KIF13B: variants seen among roughly 807,000 people sequenced by gnomAD.
KIF13B encodes kinesin family member 13B, also known as kinesin-like protein KIF13B.
A neutral mutation model predicts 222.0 loss-of-function variants in KIF13B; 127 were observed. That is an observed-to-expected ratio of 0.57 (90% CI 0.50 to 0.66). The LOEUF (loss-of-function observed/expected upper bound fraction) is 0.66. Ranked by LOEUF, KIF13B falls within the 30% of genes least tolerant of loss-of-function variation. The pLI is 0.00. For missense variants in KIF13B, 2,173 were observed against 2,379.0 expected, an observed-to-expected ratio of 0.91 and a Z score of 1.80; for synonymous variants, 976 against 919.0, an observed-to-expected ratio of 1.06 and a Z score of -1.12.
At position 29,167,463 on chromosome 8, in the gene KIF13B, G is replaced by A. The variant is rs367928436; in HGVS notation, c.1068C>T (p.His356=). 20 of 1,613,852 alleles carry A rather than the reference G, an allele frequency of 1.2e-5. No homozygotes were observed. The African/African-American group carries it at 1.5e-4, about 12-fold the overall frequency. Residue 356 remains histidine, a synonymous_variant, in exon 11 of 40, where the codon CAC becomes CAT. Coordinates refer to ENST00000524189, the MANE Select transcript of KIF13B (RefSeq NM_015254.4). ...YADRAKHIVN[H]AVVNEDPNAR... is the part of the protein sequence containing the mutation. ...CATTAGGGTCCTCATTCACCACAGC[G>A]TGGTTTACAATGTGCTTGGCTCGAT...
chr8:29,145,919 G>T, intron 18 of KIF13B: 1 of 165,038 alleles, frequency 6.1e-6, no homozygotes, highest in Non-Finnish European at 1.3e-5. Flanking sequence ...AAAAAAGTAT[G>T]ATCCTGAATA....
chr8:29,140,294 GTATGGGAATT>G, intron 20 of KIF13B, 103 bp from the exon 21 acceptor site: 1 of 1,498,670 alleles, frequency 6.7e-7, no homozygotes. Context: ...GGTTAATGGT[GTATGGGAATT>G]TAGAGGCCTA....
intron 11 of KIF13B, among the ~76,000 whole-genome samples, chr8:29,166,984 A>C (rs1288080640): frequency 1.3e-5 from 2 of 152,204 alleles, no homozygotes; most frequent in Admixed American, 1.3e-4. Flanking sequence ...TCCGACTTCT[A>C]CCAGGTAACA....
intron 2 of KIF13B, among the ~76,000 whole-genome samples, chr8:29,214,357 A>G (rs555245543): frequency 6.6e-6 from 1 of 152,370 alleles, no homozygotes; most frequent in East Asian, 1.9e-4. Flanking sequence ...TTATTCTAGA[A>G]GTTTTATATT....
intron 2 of KIF13B, among the ~76,000 whole-genome samples, chr8:29,241,096 C>T (rs1282096995): frequency 6.6e-6 from 1 of 152,138 alleles, no homozygotes; most frequent in Admixed American, 6.5e-5. Context: ...TGTGATACAA[C>T]AGACTATTAT....
intron 2 of KIF13B, among the ~76,000 whole-genome samples, chr8:29,240,823 A>T (rs955227369): frequency 3.3e-5 from 5 of 152,182 alleles, no homozygotes; most frequent in Non-Finnish European, 5.9e-5. Flanking sequence ...AGTAGATGAG[A>T]GTTTTTAAAA....
chr8:29,082,696 G>A (rs937094223), intron 37 of KIF13B, among the ~76,000 whole-genome samples: 14 of 152,044 alleles, frequency 9.2e-5, no homozygotes, highest in South Asian at 2.1e-4. Context: ...TGATTTAAGC[G>A]TTCATATAAG....
intron 18 of KIF13B, among the ~76,000 whole-genome samples, chr8:29,143,517 T>C (rs1810912778): frequency 6.6e-6 from 1 of 152,236 alleles, no homozygotes; most frequent in African/African-American, 2.4e-5. Context: ...CACCACATTA[T>C]TACCGTGCCA....
intron 2 of KIF13B, among the ~76,000 whole-genome samples, chr8:29,223,036 G>A (rs939148398): frequency 1.3e-5 from 2 of 151,690 alleles, no homozygotes; most frequent in Non-Finnish European, 2.9e-5. Context: ...AAATCTATAT[G>A]GCTGGGAGCT....
intron 37 of KIF13B, among the ~76,000 whole-genome samples, chr8:29,080,788 G>A (rs972331551): frequency 5.9e-5 from 9 of 152,122 alleles, no homozygotes; most frequent in African/African-American, 1.9e-4. Context: ...CCCCGCCCGA[G>A]CCACTGTGCC....
In KIF13B at chr8:29,071,530, G is replaced by A; in HGVS notation, c.5218+90C>T. ...CTGCCTCCCGGCCCCTCCCTCTCCT[G>A]CCCGGACCCTGTCCCCTCCCAGGCC... On this transcript the variant is annotated intron_variant, in intron 39 of 39. Transcript: ENST00000524189. The surrounding 1 kb of genome is among the most constrained non-coding windows in gnomAD (Gnocchi z 4.9). 1.6e-6 allele frequency: 2 copies of A among 1,231,046 alleles called. No individual in the cohort carries two copies. The highest frequency in any genetic ancestry group is 2.3e-6 in the Non-Finnish European group (2 of 873,392). The allele number at this position is 1,231,046 out of a possible 1,614,324, so 76.3% of individuals were successfully genotyped here.
intron 13 of KIF13B, among the ~76,000 whole-genome samples, chr8:29,157,431 G>A (rs576323818): frequency 8.0e-5 from 12 of 150,792 alleles, no homozygotes; most frequent in South Asian, 2.1e-4. Flanking sequence ...GGCCAGGTGC[G>A]GTGGCTCATA....
chr8:29,103,387 C>T (rs952640411), intron 35 of KIF13B, among the ~76,000 whole-genome samples: 2 of 152,162 alleles, frequency 1.3e-5, no homozygotes, highest in African/African-American at 2.4e-5. Context: ...CATCCTGCAC[C>T]TCAACTTCAG....
Position 29,228,950 on chromosome 8 carries a change from CTT to C in KIF13B, c.149+16394_149+16395del, listed in dbSNP as rs554713701. On this transcript the variant is annotated intron_variant, in intron 2 of 39. Transcript: ENST00000524189. The stretch of plus-strand genomic sequence containing the variant: ...ACCATGAAGGCTGGAACCAAATTCT[CTT>C]TTGTTTATCAGTGTTTTCTTAGGGT... 2.4e-3 allele frequency among the ~76,000 whole-genome samples: 360 copies of C among 152,230 alleles called. 1 individual carries two copies. Among genetic ancestry groups the C allele is most frequent in the African/African-American group, 8.3e-3 (346 of 41,536 alleles).
intron 6 of KIF13B, among the ~76,000 whole-genome samples, chr8:29,185,858 G>A (rs1812901244): frequency 6.6e-6 from 1 of 152,174 alleles, no homozygotes; most frequent in Non-Finnish European, 1.5e-5. Context: ...TAGATACCGT[G>A]CACTTTCCTC....
At chr8:29,131,235 T>G (rs554222022) in intron 23 of KIF13B, among the ~76,000 whole-genome samples, 1 of 151,752 alleles carries the variant, frequency 6.6e-6, no homozygotes, top group African/African-American at 2.4e-5. Context: ...GCTTACTACC[T>G]GAGTGACAGG....
chr8:29,211,428 TATAG>T (rs1814218785), intron 2 of KIF13B, among the ~76,000 whole-genome samples: 2 of 20,488 alleles, frequency 9.8e-5, no homozygotes, highest in Non-Finnish European at 1.6e-4. Context: ...GTTTTCTGCC[TATAG>T]ATACTTTCCT....
intron 10 of KIF13B, 71 bp downstream of exon 10, chr8:29,175,997 A>G: frequency 1.2e-6 from 1 of 817,410 alleles, no homozygotes; most frequent in African/African-American, 1.7e-5. Context: ...AGGGATTAAC[A>G]GTCTACTCTT....
intron 1 of KIF13B, among the ~76,000 whole-genome samples, chr8:29,259,719 A>G (rs1295886382): frequency 2.0e-5 from 3 of 152,268 alleles, no homozygotes; most frequent in Admixed American, 1.3e-4. Context: ...AGACGGGTTA[A>G]TAATGTATGA....
Sources: gnomAD v4.1 joint callset for allele counts (sites outside exome capture counted in the v4.1 genomes callset) on GRCh38, gnomAD v4.1.1 for gene constraint, Gnocchi (gnomAD v3.1) non-coding constraint, MANE v1.5 for transcripts, NCBI Gene and HGNC (gene_info 2026-07-23, HGNC 2026-07-21) for gene names.